HMGCS2: variants seen among roughly 807,000 people sequenced by gnomAD.
The protein encoded by HMGCS2 is 3-hydroxy-3-methylglutaryl-CoA synthase 2.
A neutral mutation model predicts 57.4 loss-of-function variants in HMGCS2; 50 were observed. The observed-to-expected ratio is 0.87, with a 90% CI of 0.69 to 1.10. HMGCS2 has a LOEUF of 1.10. Among genes scored for constraint, HMGCS2 ranks in the 50% least tolerant of loss-of-function variants. HMGCS2 has a pLI of 0.00. For missense variants in HMGCS2, 627 were observed against 636.5 expected, an observed-to-expected ratio of 0.99 and a Z score of 0.16; for synonymous variants, 254 against 245.1, an observed-to-expected ratio of 1.04 and a Z score of -0.34.
chr1:119,755,400 G>C lies in HMGCS2; in HGVS notation c.1187+27C>G, dbSNP rs587695298. ...GGCGGAGGCTGAGGGTGTGCATGGA[G>C]GACATGGAGCCAGATGCAGTACTCA... On this transcript the variant is annotated intron_variant, in intron 6 of 9. Transcript: ENST00000369406. 130 of 1,611,194 alleles carry C rather than the reference G, an allele frequency of 8.1e-5. No homozygotes were observed. The South Asian group carries it at 1.4e-3, about 17-fold the overall frequency.
chr1:119,759,039 G>T, intron 4 of HMGCS2, 79 bp downstream of exon 4: 2 of 1,362,724 alleles, frequency 1.5e-6, no homozygotes, highest in South Asian at 1.2e-5. Context: ...GGAGAGAAAA[G>T]ACCATCTCAT....
chr1:119,749,111 C>T (rs1378926375), intron 9 of HMGCS2, among the ~76,000 whole-genome samples: 1 of 152,158 alleles, frequency 6.6e-6, no homozygotes, highest in African/African-American at 2.4e-5. Flanking sequence ...GCTGCAGAGA[C>T]CTGTAGAGCT....
At position 119,764,403 on chromosome 1, in the gene HMGCS2, C is replaced by T. The variant is rs1250760247; in HGVS notation, c.328G>A (p.Val110Met). The T allele has an allele frequency of 3.1e-6, 5 of 1,614,140 alleles. No homozygotes were observed. In the African/African-American group the frequency reaches 6.7e-5, roughly 22 times the overall value. The change falls in exon 2 of 10, where the codon GTG becomes ATG. Residue 110 changes from valine (V) to methionine (M), a missense_variant. Val to Met is a conservative substitution (Grantham distance 21, BLOSUM62 1). Transcript: ENST00000369406. The stretch of plus-strand genomic sequence containing the variant: ...TGTATGCGCTCCATCAGCCGTTGCA[C>T]CACCGTCAGGCACAGGGAGTTGATG... ...EDINSLCLTV[V>M]QRLMERIQLP... is the part of the protein sequence containing the mutation.
Position 119,752,800 on chromosome 1 carries a change from G to A in HMGCS2, c.1295-126C>T. The A allele has an allele frequency of 8.7e-6, 9 of 1,040,122 alleles. No individual in the cohort carries two copies. The South Asian group carries it at 1.2e-4, about 14-fold the overall frequency. The allele number at this position is 1,040,122 out of a possible 1,614,324, so 64.4% of individuals were successfully genotyped here. ...CCTGGAGGAACGTGTGGTGTGTGTGGCTTAGAATACCAAGAAATGATAAGC... is the reference window on the plus strand; with the variant it reads ...CCTGGAGGAACGTGTGGTGTGTGTGACTTAGAATACCAAGAAATGATAAGC... On this transcript the variant is annotated intron_variant, in intron 7 of 9. Transcript: ENST00000369406.
rs1652963851 is a variant in HMGCS2, at chr1:119,759,538, G to A, written c.686-256C>T. 4 of 581,706 alleles carry A rather than the reference G, an allele frequency of 6.9e-6. No individual in the cohort carries two copies. In the Admixed American group the frequency reaches 1.2e-4, roughly 17 times the overall value. The allele number at this position is 581,706 out of a possible 1,614,324, so 36.0% of individuals were successfully genotyped here. On this transcript the variant is annotated intron_variant, in intron 3 of 9. Coordinates refer to ENST00000369406, the MANE Select transcript of HMGCS2 (RefSeq NM_005518.4). ...AGAATAGAAGCCAACAGTCTCAAAG[G>A]AAAGACTTTCACTTTATATCCAGTT...
chr1:119,755,606 T>C lies in HMGCS2; in HGVS notation c.1017-9A>G, dbSNP rs1557990077. 1 of 1,613,794 alleles carries C rather than the reference T, an allele frequency of 6.2e-7. No individual in the cohort carries two copies. Among genetic ancestry groups the C allele is most frequent in the East Asian group, 2.2e-5 (1 of 44,868 alleles). ...CTTCCAGCTTTAGCCCCCTGTGAGGTAGCCAGAGGTAGCCATGTGAGAGGC... is the reference window on the plus strand; with the variant it reads ...CTTCCAGCTTTAGCCCCCTGTGAGGCAGCCAGAGGTAGCCATGTGAGAGGC... On this transcript the variant is annotated splice_polypyrimidine_tract_variant and intron_variant, in intron 5 of 9. Transcript: ENST00000369406.
chr1:119,750,302 C>G (rs1652607066), intron 9 of HMGCS2, among the ~76,000 whole-genome samples: 1 of 152,206 alleles, frequency 6.6e-6, no homozygotes, highest in African/African-American at 2.4e-5. Context: ...ATCTGTTGAT[C>G]TCATCCCCCT....
intron 9 of HMGCS2, among the ~76,000 whole-genome samples, chr1:119,749,645 C>T (rs1337604268): frequency 1.3e-5 from 2 of 152,124 alleles, no homozygotes; most frequent in Non-Finnish European, 2.9e-5. Flanking sequence ...CTAGCACCTG[C>T]CAATATCCCA....
intron 2 of HMGCS2, among the ~76,000 whole-genome samples, chr1:119,761,968 A>C (rs1330585923): frequency 6.6e-6 from 1 of 152,210 alleles, no homozygotes; most frequent in African/African-American, 2.4e-5. Flanking sequence ...CATTTTGGAG[A>C]AGAATTTGGC....
rs1047602183 is a variant in HMGCS2 at position 119,759,208 on chromosome 1, C to G, written c.760G>C (p.Asp254His). ...PNLASEYPIVDGKLSIQCYLR... is the reference protein window; with the variant it reads ...PNLASEYPIVHGKLSIQCYLR... ...TAGCACTGGATGGAAAGCTTCCCAT[C>G]CACTATTGGGTACTCCGAGGCCAAA... The change falls in exon 4 of 10, where the codon GAT becomes CAT. Residue 254 changes from aspartate to histidine, a missense_variant. Physicochemically the swap from Asp to His is moderately conservative, Grantham distance 81 (BLOSUM62 -1). Transcript: ENST00000369406. The G allele has an allele frequency of 3.1e-6, 5 of 1,614,146 alleles. No homozygotes were observed. The highest frequency in any genetic ancestry group is 4.2e-6 in the Non-Finnish European group (5 of 1,179,982).
chr1:119,758,138 G>A lies in HMGCS2; in HGVS notation c.851-700C>T, dbSNP rs146582289. On this transcript the variant is annotated intron_variant, in intron 4 of 9. Transcript: ENST00000369406. ...AGGCATCCATGCCTTCTCCCACACT[G>A]CAATCTGTCTTTTGCGGATGCCCAT... 8.0e-3 allele frequency among the ~76,000 whole-genome samples: 1,218 copies of A among 152,372 alleles called. 15 individuals carry two copies. The highest frequency in any genetic ancestry group is 0.027 in the African/African-American group (1,142 of 41,594).
At chr1:119,753,504 C>G in intron 6 of HMGCS2, 118 bp from the exon 7 acceptor site, 1 of 686,276 alleles carries the variant, frequency 1.5e-6, no homozygotes. Flanking sequence ...CCTATCATCC[C>G]GATCTTCTCC....
At chr1:119,754,615 A>G (rs1652772337) in intron 6 of HMGCS2, among the ~76,000 whole-genome samples, 2 of 125,154 alleles carry the variant, frequency 1.6e-5, no homozygotes, top group Non-Finnish European at 3.7e-5. Context: ...TGTTTTAGAT[A>G]CTTAATGCTC....
intron 2 of HMGCS2, among the ~76,000 whole-genome samples, chr1:119,760,733 T>C (rs139840126): frequency 5.9e-5 from 9 of 152,252 alleles, no homozygotes; most frequent in African/African-American, 2.2e-4. Context: ...AGTTTGTGGG[T>C]GAGATATGGT....
intron 2 of HMGCS2, among the ~76,000 whole-genome samples, chr1:119,763,610 G>A (rs1228593477): frequency 6.6e-6 from 1 of 152,178 alleles, no homozygotes; most frequent in Non-Finnish European, 1.5e-5. Flanking sequence ...AGCACTGGGA[G>A]AAGATATAAG....
At position 119,750,816 on chromosome 1, in the gene HMGCS2, G is replaced by A. The variant is rs780044819; in HGVS notation, c.1513C>T (p.Arg505Trp). Reference protein sequence around the residue: ...VDEQHRRKYARRPV With the variant: ...VDEQHRRKYAWRPV Reference sequence around the variant, plus strand: ...ACTCACCACCTTTAGACGGGACGCCGGGCATACTTTCGGCGATGCTGCTCG... The same window carrying A: ...ACTCACCACCTTTAGACGGGACGCCAGGCATACTTTCGGCGATGCTGCTCG... Residue 505 changes from arginine (R) to tryptophan (W), a missense_variant, in exon 9 of 10, where the codon CGG becomes TGG. Coordinates refer to ENST00000369406, the MANE Select transcript of HMGCS2 (RefSeq NM_005518.4). 40 of 1,613,000 alleles carry A rather than the reference G, an allele frequency of 2.5e-5. No individual in the cohort carries two copies. Among genetic ancestry groups the A allele is most frequent in the Middle Eastern group, 1.6e-4 (1 of 6,078 alleles).
At chr1:119,763,183 C>G (rs1268760583) in intron 2 of HMGCS2, among the ~76,000 whole-genome samples, 1 of 152,186 alleles carries the variant, frequency 6.6e-6, no homozygotes, top group Non-Finnish European at 1.5e-5. Context: ...GCTGCATGTA[C>G]AGAGATAAAC....
At chr1:119,764,688 A>T in intron 1 of HMGCS2, 62 bp from the exon 2 acceptor site, 3 of 1,170,060 alleles carry the variant, frequency 2.6e-6, no homozygotes, top group Non-Finnish European at 3.8e-6. Context: ...CTCAAAAGAC[A>T]GTAACATAGC....
intron 6 of HMGCS2, among the ~76,000 whole-genome samples, chr1:119,753,733 G>C (rs1384612935): frequency 6.6e-6 from 1 of 152,158 alleles, no homozygotes; most frequent in East Asian, 1.9e-4. Flanking sequence ...CATTCTGAAG[G>C]TGTCTCCAGA....
Sources: gnomAD v4.1 joint callset for allele counts (sites outside exome capture counted in the v4.1 genomes callset) on GRCh38, gnomAD v4.1.1 for gene constraint, MANE v1.5 for transcripts, NCBI Gene and HGNC (gene_info 2026-07-23, HGNC 2026-07-21) for gene names.